PCDHA1: variants seen among roughly 807,000 people sequenced by gnomAD.
The protein encoded by PCDHA1 is protocadherin alpha-1.
PCDHA1 carries 42 observed loss-of-function variants against 61.3 expected under a neutral mutation model. The ratio of observed to expected loss-of-function variants is 0.69; its 90% CI spans 0.54 to 0.89. The LOEUF (loss-of-function observed/expected upper bound fraction) is 0.89. Ranked by LOEUF, PCDHA1 falls within the 40% of genes least tolerant of loss-of-function variation. PCDHA1 has a pLI of 0.00. For missense variants in PCDHA1, 1,256 were observed against 1,235.3 expected (o/e 1.02, Z -0.25); for synonymous variants, 610 against 553.8 (o/e 1.10, Z -1.43).
intron 1 of PCDHA1, among the ~76,000 whole-genome samples, chr5:140,840,577 G>A (rs185474153): frequency 6.6e-6 from 1 of 151,966 alleles, no homozygotes; most frequent in Non-Finnish European, 1.5e-5. Flanking sequence ...GCATGTCAGA[G>A]AAATCATAAA....
At chr5:140,863,571 TA>T in intron 1 of PCDHA1, 1 of 369,950 alleles carries the variant, frequency 2.7e-6, no homozygotes, top group South Asian at 2.1e-5. Context: ...AGAATATAAG[TA>T]CTGTAATCCT....
intron 1 of PCDHA1, among the ~76,000 whole-genome samples, chr5:140,881,723 A>G (rs2058808704): frequency 6.6e-6 from 1 of 152,172 alleles, no homozygotes; most frequent in South Asian, 2.1e-4. Flanking sequence ...GGAGGTCTTG[A>G]AAAATATTAC....
chr5:140,947,131 G>A (rs994081159), intron 1 of PCDHA1, among the ~76,000 whole-genome samples: 10 of 151,080 alleles, frequency 6.6e-5, no homozygotes, highest in African/African-American at 2.2e-4. Context: ...AATAAAAATA[G>A]TAAAATGTAT....
chr5:140,787,288 A>G lies in PCDHA1; in HGVS notation c.998A>G (p.His333Arg). The stretch of plus-strand genomic sequence containing the variant: ...AAAGGAAGTCCTCCGATGTCAAATC[A>G]CTGTAAGGTTTTGGTGAAAGTGCTG... ...VDKGSPPMSN[H>R]CKVLVKVLDV... Residue 333 changes from histidine to arginine, a missense_variant, in exon 1 of 4, where the codon CAC becomes CGC. By Grantham distance (29) the His-to-Arg change is conservative. Coordinates refer to ENST00000504120, the MANE Select transcript of PCDHA1 (RefSeq NM_018900.4). 6.2e-7 allele frequency: 1 copy of G among 1,614,208 alleles called. No homozygotes were observed. Among genetic ancestry groups the G allele is most frequent in the Non-Finnish European group, 8.5e-7 (1 of 1,180,024 alleles).
At chr5:140,799,880 A>G (rs1433202511) in intron 1 of PCDHA1, among the ~76,000 whole-genome samples, 1 of 151,992 alleles carries the variant, frequency 6.6e-6, no homozygotes, top group Non-Finnish European at 1.5e-5. Context: ...CTTTCCATAA[A>G]TTTTCTTTGC....
At position 140,828,207 on chromosome 5, in the gene PCDHA1, C is replaced by A. The variant is rs1769609355; in HGVS notation, c.2394+39523C>A. 6 of 1,614,008 alleles carry A rather than the reference C, an allele frequency of 3.7e-6. No homozygotes were observed. The highest frequency in any genetic ancestry group is 1.1e-5 in the South Asian group (1 of 91,066). ...CTCCACTACTCCGTACCCGAGGAGG[C>A]CAAACACGGCACCTTCGTGGGCCGG... On this transcript the variant is annotated intron_variant, in intron 1 of 3. Coordinates refer to ENST00000504120, the MANE Select transcript of PCDHA1 (RefSeq NM_018900.4).
chr5:140,868,360 T>C (rs1403678889), intron 1 of PCDHA1: 1 of 152,130 alleles, frequency 6.6e-6, no homozygotes, highest in African/African-American at 2.4e-5. Context: ...AGCAATTAAA[T>C]GTAAATAACA....
In PCDHA1 at chr5:140,801,976, T is replaced by C. The variant is rs148995634; in HGVS notation, c.2394+13292T>C. The stretch of plus-strand genomic sequence containing the variant: ...CTCGAAAATGCACCAAATGGTACCC[T>C]AGTGGTGACCGTTAACGCCACCGAT... On this transcript the variant is annotated intron_variant, in intron 1 of 3. Coordinates refer to ENST00000504120, the MANE Select transcript of PCDHA1 (RefSeq NM_018900.4). 14 of 1,614,064 alleles carry C rather than the reference T, an allele frequency of 8.7e-6. No homozygotes were observed. In the African/African-American group the frequency reaches 1.9e-4, roughly 22 times the overall value.
chr5:140,967,272 TAG>T, intron 1 of PCDHA1: 1 of 1,613,412 alleles, frequency 6.2e-7, no homozygotes, highest in Non-Finnish European at 8.5e-7. Flanking sequence ...CGCTTTCACA[TAG>T]AGAGTGCGCA....
Position 140,824,357 on chromosome 5 carries a change from A to G in PCDHA1, c.2394+35673A>G, listed in dbSNP as rs1348409410. On this transcript the variant is annotated intron_variant, in intron 1 of 3. Coordinates refer to ENST00000504120, the MANE Select transcript of PCDHA1 (RefSeq NM_018900.4). ...AAGTGTTTTTAAAATAATATTTTAT[A>G]TTAGCATTTGAATTTTGCATCTCTA... 8 of 580,340 alleles carry G rather than the reference A, an allele frequency of 1.4e-5. No homozygotes were observed. The East Asian group carries it at 2.1e-4, about 15-fold the overall frequency. The allele number at this position is 580,340 out of a possible 1,614,324, so 35.9% of individuals were successfully genotyped here.
chr5:140,795,056 TC>T (rs1554119234), intron 1 of PCDHA1: 1 of 1,613,742 alleles, frequency 6.2e-7, no homozygotes, highest in South Asian at 1.1e-5. Context: ...AGCGGCCAGC[TC>T]CGCTACTCCG....
At chr5:140,843,810 T>C in intron 1 of PCDHA1, 1 of 1,274,540 alleles carries the variant, frequency 7.8e-7, no homozygotes, top group Non-Finnish European at 1.1e-6. Context: ...CCGTATTTTA[T>C]AGTGAAAATT....
At chr5:140,923,264 C>T (rs2081280629) in intron 1 of PCDHA1, among the ~76,000 whole-genome samples, 1 of 152,170 alleles carries the variant, frequency 6.6e-6, no homozygotes, top group Admixed American at 6.5e-5. Flanking sequence ...CATAGTGAGA[C>T]CTTGTCTCTA....
chr5:140,821,586 T>C (rs1581772616), intron 1 of PCDHA1: 1 of 645,184 alleles, frequency 1.5e-6, no homozygotes. Context: ...TTTTCTCCCT[T>C]CCCAGCCTCA....
intron 1 of PCDHA1, among the ~76,000 whole-genome samples, chr5:140,941,192 TTTC>T (rs1447153939): frequency 7.0e-5 from 7 of 99,658 alleles, no homozygotes; most frequent in Admixed American, 1.0e-4. Flanking sequence ...CTTCTTTTTT[TTTC>T]TTTCTTCCTT....
chr5:140,917,067 C>T (rs375970452), intron 1 of PCDHA1, among the ~76,000 whole-genome samples: 3 of 152,178 alleles, frequency 2.0e-5, no homozygotes, highest in African/African-American at 4.8e-5. Context: ...ACGACAGCAC[C>T]GAGTTTAATG....
intron 1 of PCDHA1, among the ~76,000 whole-genome samples, chr5:140,838,613 A>AT (rs1775803010): frequency 2.0e-5 from 3 of 152,150 alleles, no homozygotes; most frequent in Non-Finnish European, 4.4e-5. Flanking sequence ...ACTTTTAAAA[A>AT]TTTTTTACAA....
chr5:140,819,025 G>A (rs1766475297), intron 1 of PCDHA1, among the ~76,000 whole-genome samples: 2 of 152,122 alleles, frequency 1.3e-5, no homozygotes, highest in African/African-American at 4.8e-5. Flanking sequence ...GGATATTTTA[G>A]CACATTCCCT....
At chr5:141,003,328 G>C (rs941196932) in intron 3 of PCDHA1, among the ~76,000 whole-genome samples, 1 of 152,102 alleles carries the variant, frequency 6.6e-6, no homozygotes, top group Admixed American at 6.5e-5. Flanking sequence ...AGAGGGCAGG[G>C]TTTTTTGTTT....
Sources: allele counts gnomAD v4.1 joint callset (sites outside exome capture counted in the v4.1 genomes callset), GRCh38; gene constraint gnomAD v4.1.1; transcripts MANE v1.5; gene names NCBI Gene and HGNC (gene_info 2026-07-23, HGNC 2026-07-21).